PROS1: variants seen among roughly 807,000 people sequenced by gnomAD.
PROS1 encodes vitamin K-dependent protein S.
PROS1 carries 29 observed loss-of-function variants against 75.9 expected under a neutral mutation model. The ratio of observed to expected loss-of-function variants is 0.38; its 90% CI spans 0.28 to 0.52. PROS1 has a LOEUF of 0.52. Ranked by LOEUF, PROS1 falls within the 20% of genes least tolerant of loss-of-function variation. The pLI is 0.83. For missense variants in PROS1, 680 were observed against 810.3 expected (o/e 0.84, Z 1.95); for synonymous variants, 245 against 280.6 (o/e 0.87, Z 1.27).
chr3:93,896,841 A>C, intron 8 of PROS1, 150 bp from the exon 9 acceptor site: 1 of 635,084 alleles, frequency 1.6e-6, no homozygotes, highest in Non-Finnish European at 2.8e-6. Context: ...GGTAATAATA[A>C]ATACATATCT....
chr3:93,959,934 A>G (rs572057251), intron 1 of PROS1, among the ~76,000 whole-genome samples: 1 of 152,362 alleles, frequency 6.6e-6, no homozygotes, highest in East Asian at 1.9e-4. Context: ...GTTAGCAGGC[A>G]TAGTAAATTA....
chr3:93,906,160 T>A lies in PROS1; in HGVS notation c.347-17A>T. 6.2e-7 allele frequency: 1 copy of A among 1,611,408 alleles called. No homozygotes were observed. The highest frequency in any genetic ancestry group is 8.5e-7 in the Non-Finnish European group (1 of 1,179,206). ...CTGGAATGGCTGAAGGAAATAGACA[T>A]CTATTTATTTTTTTTATCTCATGTC... On this transcript the variant is annotated splice_polypyrimidine_tract_variant and intron_variant, in intron 4 of 14. Transcript: ENST00000394236.
chr3:93,934,960 G>A (rs550199441), intron 1 of PROS1, among the ~76,000 whole-genome samples: 2 of 151,308 alleles, frequency 1.3e-5, no homozygotes, highest in Admixed American at 6.6e-5. Flanking sequence ...TCACTCTGGC[G>A]TTGTTTCCAC....
intron 9 of PROS1, among the ~76,000 whole-genome samples, chr3:93,896,352 AT>A (rs1049281697): frequency 6.6e-6 from 1 of 152,214 alleles, no homozygotes. Context: ...TAAAATGTTC[AT>A]TGGGGAAAGT....
chr3:93,971,016 T>A (rs1443888917), intron 1 of PROS1, among the ~76,000 whole-genome samples: 1 of 151,568 alleles, frequency 6.6e-6, no homozygotes, highest in South Asian at 2.1e-4. Flanking sequence ...AAAAATATTT[T>A]TTTAATCGTC....
rs749198162 is a variant in PROS1, at chr3:93,896,613, C to A, written c.928G>T (p.Val310Phe). 6.2e-7 allele frequency: 1 copy of A among 1,613,770 alleles called. No homozygotes were observed. The highest frequency in any genetic ancestry group is 1.7e-5 in the Admixed American group (1 of 60,008). ...LYLAEQFAGV[V>F]LYLKFRLPEI... ...GGCAAACGAAATTTTAAATATAAAA[C>A]AACCCCTGCAAACTGCTCCGCCAAG... is the stretch of plus-strand genomic sequence containing the variant. Residue 310 changes from valine (V) to phenylalanine (F), a missense_variant, in exon 9 of 15, where the codon GTT becomes TTT. By Grantham distance (50) the Val-to-Phe change is conservative (BLOSUM62 -1). Transcript: ENST00000394236.
At chr3:93,903,829 T>A (rs947162853) in intron 6 of PROS1, among the ~76,000 whole-genome samples, 4 of 152,138 alleles carry the variant, frequency 2.6e-5, no homozygotes, top group Non-Finnish European at 5.9e-5. Flanking sequence ...TTTTTTTTAA[T>A]TATACTCTAA....
intron 7 of PROS1, among the ~76,000 whole-genome samples, chr3:93,900,175 T>C (rs1281839105): frequency 6.6e-6 from 1 of 152,216 alleles, no homozygotes; most frequent in Non-Finnish European, 1.5e-5. Context: ...AGCTTCCTGA[T>C]GCACACAGGG....
At chr3:93,960,701 C>T (rs959702150) in intron 1 of PROS1, among the ~76,000 whole-genome samples, 1 of 151,614 alleles carries the variant, frequency 6.6e-6, no homozygotes, top group Admixed American at 6.6e-5. Flanking sequence ...ATTTGAAAAT[C>T]AATTTGGAGA....
chr3:93,905,965 G>T, intron 5 of PROS1, 50 bp from the exon 6 acceptor site: 1 of 1,613,432 alleles, frequency 6.2e-7, no homozygotes, highest in African/African-American at 1.3e-5. Flanking sequence ...AACCTGCAGA[G>T]AACTTTTCAG....
At position 93,935,534 on chromosome 3, in the gene PROS1, A is replaced by C. The variant is rs533334485; in HGVS notation, c.77-8127T>G. On this transcript the variant is annotated intron_variant, in intron 1 of 14. Transcript: ENST00000394236. ...GTGTTCCTGGACACTTAAAAAGGCA[A>C]CAGTAAAATAATTCTCCTAATTTTG... Among the ~76,000 whole-genome samples the C allele has an allele frequency of 2.0e-5, 3 of 152,304 alleles. No homozygotes were observed. The South Asian group carries it at 6.2e-4, about 32-fold the overall frequency.
intron 3 of PROS1, among the ~76,000 whole-genome samples, chr3:93,923,241 T>A (rs2107195845): frequency 6.6e-6 from 1 of 152,198 alleles, no homozygotes; most frequent in African/African-American, 2.4e-5. Flanking sequence ...ATGAAAAATA[T>A]TTTATCTAAG....
chr3:93,896,102 TAGAC>T (rs1708497790), intron 9 of PROS1, among the ~76,000 whole-genome samples: 1 of 152,230 alleles, frequency 6.6e-6, no homozygotes, highest in Non-Finnish European at 1.5e-5. Flanking sequence ...ATAAAGTATT[TAGAC>T]AGCCAACTAA....
intron 1 of PROS1, among the ~76,000 whole-genome samples, chr3:93,940,702 T>C (rs911391663): frequency 6.6e-6 from 1 of 152,046 alleles, no homozygotes; most frequent in Non-Finnish European, 1.5e-5. Context: ...CACATGTCCA[T>C]TACTATCCCA....
chr3:93,973,647 G>C, intron 1 of PROS1, 27 bp downstream of exon 1: 1 of 1,608,820 alleles, frequency 6.2e-7, no homozygotes, highest in Non-Finnish European at 8.5e-7. Context: ...GCTGGGGAAG[G>C]GAGAAGAGAC....
At chr3:93,969,354 G>A (rs1331910101) in intron 1 of PROS1, among the ~76,000 whole-genome samples, 2 of 152,120 alleles carry the variant, frequency 1.3e-5, no homozygotes, top group Non-Finnish European at 2.9e-5. Context: ...TTTTCAAATG[G>A]TGTGTATGGA....
intron 6 of PROS1, among the ~76,000 whole-genome samples, chr3:93,903,025 C>G (rs1447286319): frequency 6.6e-6 from 1 of 152,004 alleles, no homozygotes; most frequent in African/African-American, 2.4e-5. Context: ...CGCCACCACC[C>G]TGGTTAATTT....
chr3:93,934,568 G>A (rs562545726), intron 1 of PROS1, among the ~76,000 whole-genome samples: 1 of 152,246 alleles, frequency 6.6e-6, no homozygotes, highest in South Asian at 2.1e-4. Context: ...TCTTTTTGAA[G>A]GACTGAACAA....
chr3:93,878,149 C>T (rs928174629), intron 13 of PROS1, among the ~76,000 whole-genome samples: 12 of 152,062 alleles, frequency 7.9e-5, no homozygotes, highest in African/African-American at 2.9e-4. Context: ...ACATGGCATG[C>T]GTTAACCTCC....
Sources: gnomAD v4.1 joint callset for allele counts (sites outside exome capture counted in the v4.1 genomes callset) on GRCh38, gnomAD v4.1.1 for gene constraint, MANE v1.5 for transcripts, NCBI Gene and HGNC (gene_info 2026-07-23, HGNC 2026-07-21) for gene names.